The following SLIT2 variants were observed in gnomAD, a reference collection of about 807,000 sequenced individuals.
The protein encoded by SLIT2 is slit homolog 2 protein.
A neutral mutation model predicts 185.7 loss-of-function variants in SLIT2; 41 were observed. The ratio of observed to expected loss-of-function variants is 0.22; its 90% confidence interval spans 0.17 to 0.29. SLIT2 has a LOEUF of 0.29. SLIT2 is among the 10% of genes least tolerant of loss of function. The probability of loss-of-function intolerance (pLI) is 1.00; values close to 1 mark genes in which losing one functional copy is unlikely to be tolerated. For missense variants in SLIT2, 1,571 were observed against 1,909.0 expected (o/e 0.82, Z 3.30); for synonymous variants, 693 against 680.2 (o/e 1.02, Z -0.29).
At chr4:20,289,029 T>C (rs1577374141) in intron 4 of SLIT2, among the ~76,000 whole-genome samples, 1 of 151,410 alleles carries the variant, frequency 6.6e-6, no homozygotes, top group African/African-American at 2.4e-5. Context: ...GATACGTCTC[T>C]AGACTTTTGC....
intron 4 of SLIT2, among the ~76,000 whole-genome samples, chr4:20,279,753 T>TA (rs1482435525): frequency 1.3e-5 from 2 of 152,208 alleles, no homozygotes; most frequent in Non-Finnish European, 2.9e-5. Context: ...GGCATGTACT[T>TA]ACTTTTTTTG....
chr4:20,461,132 G>T (rs1450190251), intron 4 of SLIT2, among the ~76,000 whole-genome samples: 1 of 152,178 alleles, frequency 6.6e-6, no homozygotes, highest in Non-Finnish European at 1.5e-5. Context: ...TGAGGAGTTG[G>T]TCTGCGTCTT....
chr4:20,330,916 T>C (rs1577445371), intron 4 of SLIT2, among the ~76,000 whole-genome samples: 1 of 152,236 alleles, frequency 6.6e-6, no homozygotes, highest in East Asian at 1.9e-4. Flanking sequence ...CAAAACTGGT[T>C]CCCATGCTTA....
chr4:20,410,065 A>G (rs1039159550), intron 4 of SLIT2, among the ~76,000 whole-genome samples: 1 of 152,028 alleles, frequency 6.6e-6, no homozygotes, highest in African/African-American at 2.4e-5. Context: ...GAAGCTCTTT[A>G]GTTGAATTAG....
intron 9 of SLIT2, among the ~76,000 whole-genome samples, chr4:20,509,568 G>T (rs1307966983): frequency 1.3e-5 from 2 of 152,152 alleles, no homozygotes; most frequent in Non-Finnish European, 2.9e-5. Flanking sequence ...ATGAGCCTGG[G>T]ATATATGGTT....
chr4:20,370,784 G>A (rs957594506), intron 4 of SLIT2, among the ~76,000 whole-genome samples: 2 of 152,106 alleles, frequency 1.3e-5, no homozygotes, highest in Admixed American at 6.6e-5. Flanking sequence ...ATCTGCAACA[G>A]CCAACGTTTC....
intron 4 of SLIT2, among the ~76,000 whole-genome samples, chr4:20,462,774 C>T (rs1176952900): frequency 6.6e-6 from 1 of 152,152 alleles, no homozygotes; most frequent in Non-Finnish European, 1.5e-5. Context: ...TTACAAACTC[C>T]TCCATCCCAC....
intron 4 of SLIT2, among the ~76,000 whole-genome samples, chr4:20,452,222 GT>G (rs574340188): frequency 6.0e-4 from 92 of 152,100 alleles, no homozygotes; most frequent in Non-Finnish European, 1.1e-3. Context: ...GTGTCATTTT[GT>G]TTAGCTTCCT....
intron 4 of SLIT2, among the ~76,000 whole-genome samples, chr4:20,463,448 G>GATATATATATATATATATAT (rs56256520): frequency 3.0e-5 from 2 of 67,324 alleles, no homozygotes; most frequent in Admixed American, 1.7e-4. Flanking sequence ...CTCAAACTGT[G>GATATATATATATATATATAT]ATATATATAT....
intron 16 of SLIT2, 99 bp from the exon 17 acceptor site, chr4:20,531,885 G>C (rs1721841982): frequency 1.6e-6 from 1 of 625,926 alleles, no homozygotes; most frequent in Non-Finnish European, 2.8e-6. Context: ...TATTTTCCTG[G>C]TATCATTAAA....
intron 29 of SLIT2, among the ~76,000 whole-genome samples, chr4:20,589,206 G>A (rs1242846150): frequency 6.6e-6 from 1 of 152,170 alleles, no homozygotes; most frequent in Admixed American, 6.5e-5. Context: ...CTTCTGGGGT[G>A]CTGGTACATG....
chr4:20,271,930 T>C (rs1713658269), intron 4 of SLIT2, among the ~76,000 whole-genome samples: 1 of 152,126 alleles, frequency 6.6e-6, no homozygotes, highest in Admixed American at 6.6e-5. Context: ...GAGGGTATAC[T>C]GTATATGAAT....
At chr4:20,604,259 A>G (rs1451333209) in intron 33 of SLIT2, among the ~76,000 whole-genome samples, 1 of 152,238 alleles carries the variant, frequency 6.6e-6, no homozygotes, top group Non-Finnish European at 1.5e-5. Flanking sequence ...AATTTTATTC[A>G]TGTTAATCTG....
intron 25 of SLIT2, among the ~76,000 whole-genome samples, chr4:20,553,395 G>C (rs1341211866): frequency 6.6e-6 from 1 of 152,160 alleles, no homozygotes; most frequent in African/African-American, 2.4e-5. Flanking sequence ...GGGTTCTTTG[G>C]AGGTAAGAAT....
Position 20,463,471 on chromosome 4 carries a change from A to G in SLIT2, c.396-4281A>G, listed in dbSNP as rs867993522. 9.2e-3 allele frequency among the ~76,000 whole-genome samples: 815 copies of G among 88,608 alleles called. 28 individuals carry two copies. Among genetic ancestry groups the G allele is most frequent in the African/African-American group, 0.029 (760 of 26,286 alleles). The allele number at this position is 88,608 out of a possible 152,430, so 58.1% of individuals were successfully genotyped here. On this transcript the variant is annotated intron_variant, in intron 4 of 36. Coordinates refer to ENST00000504154, the MANE Select transcript of SLIT2 (RefSeq NM_004787.4). ...GTGATATATATATATATATATATAT[A>G]TATATATATATATATATATATGTGT...
rs556066872 is a variant in SLIT2 at position 20,511,087 on chromosome 4, C to T, written c.1008C>T (p.Ile336=). 5 of 1,605,594 alleles carry T rather than the reference C, an allele frequency of 3.1e-6. No homozygotes were observed. In the South Asian group the frequency reaches 4.4e-5, roughly 14 times the overall value. The change falls in exon 11 of 37, where the codon ATC becomes ATT. Residue 336 remains isoleucine, a synonymous_variant. Coordinates refer to ENST00000504154, the MANE Select transcript of SLIT2 (RefSeq NM_004787.4). ...TTAGTGACCTGAGCAATAATCAGAT[C>T]TCTGAACTTGCACCAGATGCTTTCC... ...LRRIDLSNNQ[I]SELAPDAFQG... is the part of the protein sequence containing the mutation.
intron 6 of SLIT2, among the ~76,000 whole-genome samples, 157 bp downstream of exon 6, chr4:20,480,944 T>C (rs1716637816): frequency 6.6e-6 from 1 of 152,114 alleles, no homozygotes; most frequent in Non-Finnish European, 1.5e-5. Context: ...AGAGTCTAAA[T>C]GTGTGTGTGC....
chr4:20,325,928 A>G (rs1200509038), intron 4 of SLIT2, among the ~76,000 whole-genome samples: 2 of 152,128 alleles, frequency 1.3e-5, no homozygotes, highest in Non-Finnish European at 2.9e-5. Context: ...AAAGAAATAT[A>G]CTTTATTTAG....
At position 20,528,813 on chromosome 4, in the gene SLIT2, C is replaced by T; in HGVS notation, c.1463-136C>T. On this transcript the variant is annotated intron_variant, in intron 15 of 36. Coordinates refer to ENST00000504154, the MANE Select transcript of SLIT2 (RefSeq NM_004787.4). The surrounding 1 kb of genome is among the most constrained non-coding windows in gnomAD (Gnocchi z 4.2). ...GCCTTTCTTTTAACCTTTCTCCTGA[C>T]ATCCATTGACCAAAATACCCCAAGT... The T allele has an allele frequency of 1.7e-6, 1 of 595,620 alleles. No homozygotes were observed. Among genetic ancestry groups the T allele is most frequent in the Non-Finnish European group, 2.9e-6 (1 of 349,494 alleles). 36.9% of individuals were successfully genotyped at this position (595,620 alleles called of 1,614,324 possible). A position where few individuals can be genotyped will look rare whatever the true frequency, so the allele number is the denominator to read the frequency against.
Sources: gnomAD v4.1 joint callset for allele counts (sites outside exome capture counted in the v4.1 genomes callset) on GRCh38, gnomAD v4.1.1 for gene constraint, Gnocchi (gnomAD v3.1) non-coding constraint, MANE v1.5 for transcripts, NCBI Gene and HGNC (gene_info 2026-07-23, HGNC 2026-07-21) for gene names.